Variants in HDAC4 observed in about 807,000 individuals in gnomAD.
HDAC4 encodes the protein histone deacetylase A.
A neutral mutation model predicts 135.1 loss-of-function variants in HDAC4; 16 were observed. The observed-to-expected ratio is 0.12, with a 90% CI of 0.08 to 0.18. HDAC4 has a LOEUF of 0.18. Ranked by LOEUF, HDAC4 falls within the 10% of genes least tolerant of loss-of-function variation. The probability of loss-of-function intolerance (pLI) is 1.00; values close to 1 mark genes in which losing one functional copy is unlikely to be tolerated. For synonymous variants in HDAC4, 685 were observed against 653.4 expected (o/e 1.05, Z -0.74); for missense variants, 1,143 against 1,511.8 (o/e 0.76, Z 4.05).
At chr2:239,324,431 G>A (rs1348426938) in intron 2 of HDAC4, among the ~76,000 whole-genome samples, 1 of 152,230 alleles carries the variant, frequency 6.6e-6, no homozygotes, top group Non-Finnish European at 1.5e-5. Context: ...TTCAGATAAA[G>A]TAAATAAATC....
intron 3 of HDAC4, among the ~76,000 whole-genome samples, chr2:239,210,181 C>T (rs1293493871): frequency 1.3e-5 from 2 of 152,072 alleles, no homozygotes; most frequent in Non-Finnish European, 2.9e-5. Flanking sequence ...AACTACAAAC[C>T]GCCCAAATAT....
rs1290312467 is a variant in HDAC4, at chr2:239,068,946, G to A, written c.2751-339C>T. ...ACGGTGCAAGCCAGCAAGCCCCACT[G>A]CACTTGCTTGGTGAGAGGGAGTCAC... On this transcript the variant is annotated intron_variant, in intron 22 of 26. Transcript: ENST00000543185. This position sits in a 1 kb window ranked among gnomAD's most constrained non-coding sequence, Gnocchi z 4.4. 3.1e-3 allele frequency: 205 copies of A among 66,826 alleles called. 1 individual carries two copies. Among genetic ancestry groups the A allele is most frequent in the South Asian group, 0.011 (108 of 9,394 alleles). The allele number at this position is 66,826 out of a possible 1,614,324, so 4.1% of individuals were successfully genotyped here.
chr2:239,073,539 G>A (rs1259690539), intron 22 of HDAC4, among the ~76,000 whole-genome samples: 3 of 152,228 alleles, frequency 2.0e-5, no homozygotes, highest in East Asian at 1.9e-4. Context: ...GAGCACAGGC[G>A]GCAGGACTTG....
intron 12 of HDAC4, among the ~76,000 whole-genome samples, chr2:239,120,627 T>C (rs1341410044): frequency 2.2e-4 from 2 of 9,228 alleles, no homozygotes; most frequent in African/African-American, 8.5e-4. Flanking sequence ...GGAAGGGAAA[T>C]AGGGGGAGGG....
intron 7 of HDAC4, among the ~76,000 whole-genome samples, chr2:239,154,299 C>G (rs1242832416): frequency 6.6e-6 from 1 of 152,136 alleles, no homozygotes; most frequent in Non-Finnish European, 1.5e-5. Flanking sequence ...CTGAGTGCCA[C>G]AGCCATCACT....
At chr2:239,261,493 T>C (rs1217427542) in intron 2 of HDAC4, among the ~76,000 whole-genome samples, 1 of 152,046 alleles carries the variant, frequency 6.6e-6, no homozygotes, top group Non-Finnish European at 1.5e-5. Context: ...GGTGCATCCA[T>C]GGGGCATCCT....
Position 239,398,011 on chromosome 2 carries a change from A to T in HDAC4, c.-220+2967T>A, listed in dbSNP as rs78787474. 9.5e-3 allele frequency among the ~76,000 whole-genome samples: 1,439 copies of T among 152,188 alleles called. 21 individuals carry two copies. The highest frequency in any genetic ancestry group is 0.033 in the African/African-American group (1,363 of 41,564). The stretch of plus-strand genomic sequence containing the variant: ...GCTGCCAACAACAGGGCAGGGGCTC[A>T]GTCTCGGTTCCACAGCCCCAAGCTT... On this transcript the variant is annotated intron_variant, in intron 1 of 26. Transcript: ENST00000543185.
chr2:239,144,720 C>A lies in HDAC4; in HGVS notation c.734-6G>T. 5 of 1,614,090 alleles carry A rather than the reference C, an allele frequency of 3.1e-6. No individual in the cohort carries two copies. Among genetic ancestry groups the A allele is most frequent in the Non-Finnish European group, 4.2e-6 (5 of 1,179,962 alleles). ...TTTCAGATTCGGTTCAGAAGCTGCA[C>A]AAAAAGGAGATGTCATTACAGCCAG... On this transcript the variant is annotated splice_polypyrimidine_tract_variant and splice_region_variant and intron_variant, in intron 7 of 26. Transcript: ENST00000543185.
At chr2:239,375,461 A>T (rs2126028005) in intron 1 of HDAC4, among the ~76,000 whole-genome samples, 1 of 152,236 alleles carries the variant, frequency 6.6e-6, no homozygotes, top group African/African-American at 2.4e-5. Flanking sequence ...GTGTGAAGCG[A>T]AGCCCCTGCC....
chr2:239,385,666 C>T (rs770572323), intron 1 of HDAC4, among the ~76,000 whole-genome samples: 4 of 152,232 alleles, frequency 2.6e-5, no homozygotes, highest in Admixed American at 6.5e-5. Context: ...ATTCTACAGA[C>T]GCCACCCCAG....
rs898203433 is a variant in HDAC4, at chr2:239,146,809, C to T, written c.734-2095G>A. On this transcript the variant is annotated intron_variant, in intron 7 of 26. Coordinates refer to ENST00000543185, the MANE Select transcript of HDAC4 (RefSeq NM_001378414.1). The surrounding 1 kb of genome is among the most constrained non-coding windows in gnomAD (Gnocchi z 4.5). ...CCCCACTGCCCCCATCACAGCCCCA[C>T]TGCCCTGTCTTCCTCACAGCAGCCT... Among the ~76,000 whole-genome samples the T allele has an allele frequency of 2.6e-5, 4 of 151,970 alleles. No homozygotes were observed. The highest frequency in any genetic ancestry group is 5.9e-5 in the Non-Finnish European group (4 of 67,976).
chr2:239,186,153 CCA>C, intron 4 of HDAC4, among the ~76,000 whole-genome samples: 1 of 152,256 alleles, frequency 6.6e-6, no homozygotes, highest in Middle Eastern at 3.4e-3. Flanking sequence ...GTCTAAACCA[CCA>C]CAAACAGCCA....
intron 1 of HDAC4, among the ~76,000 whole-genome samples, chr2:239,396,597 T>A (rs1443711900): frequency 6.6e-6 from 1 of 152,178 alleles, no homozygotes; most frequent in East Asian, 1.9e-4. Context: ...GATCTCATGC[T>A]CTCCTTATTG....
chr2:239,272,845 C>G (rs2050130658), intron 2 of HDAC4, among the ~76,000 whole-genome samples: 1 of 152,308 alleles, frequency 6.6e-6, no homozygotes, highest in East Asian at 1.9e-4. Context: ...CTCCCTAGAC[C>G]CTTAGACAGG....
At chr2:239,156,216 C>T (rs1211982310) in intron 7 of HDAC4, among the ~76,000 whole-genome samples, 1 of 152,210 alleles carries the variant, frequency 6.6e-6, no homozygotes, top group Non-Finnish European at 1.5e-5. Context: ...TTCCCTCCCA[C>T]TCTGGGGACC....
At chr2:239,335,813 C>G (rs553470015) in intron 2 of HDAC4, among the ~76,000 whole-genome samples, 1 of 152,258 alleles carries the variant, frequency 6.6e-6, no homozygotes, top group South Asian at 2.1e-4. Context: ...TTGGCAAGGA[C>G]AGAGCAACAT....
intron 3 of HDAC4, among the ~76,000 whole-genome samples, chr2:239,213,656 G>C (rs2046463346): frequency 6.6e-6 from 1 of 152,214 alleles, no homozygotes; most frequent in African/African-American, 2.4e-5. Flanking sequence ...GCTTACGCTG[G>C]AAAACCCAGC....
chr2:239,109,743 T>C (rs924156377), intron 14 of HDAC4, among the ~76,000 whole-genome samples: 4 of 152,112 alleles, frequency 2.6e-5, no homozygotes, highest in Non-Finnish European at 5.9e-5. Context: ...ACATAGGCAA[T>C]GACGGACACT....
At chr2:239,330,974 G>A (rs928983560) in intron 2 of HDAC4, among the ~76,000 whole-genome samples, 2 of 152,172 alleles carry the variant, frequency 1.3e-5, no homozygotes, top group Admixed American at 6.5e-5. Context: ...CACATGCCAC[G>A]CTGCTGACAC....
Sources: allele counts gnomAD v4.1 joint callset (sites outside exome capture counted in the v4.1 genomes callset), GRCh38; gene constraint gnomAD v4.1.1; non-coding constraint Gnocchi (gnomAD v3.1); transcripts MANE v1.5; gene names NCBI Gene and HGNC (gene_info 2026-07-23, HGNC 2026-07-21).